The following MFSD12 variants were observed in gnomAD, a reference collection of about 807,000 sequenced individuals.
The protein encoded by MFSD12 is major facilitator superfamily domain-containing protein 12.
In MFSD12, 67 loss-of-function variants were observed where a neutral mutation model predicts 51.2. That is an observed-to-expected ratio of 1.31 (90% CI 1.08 to 1.60). The LOEUF (loss-of-function observed/expected upper bound fraction) is 1.60, where lower values mean the gene tolerates loss of function less well. Ranked by LOEUF, MFSD12 falls within the 40% of genes most tolerant of loss-of-function variation. The pLI is 0.00. For missense variants in MFSD12, 921 were observed against 673.0 expected (o/e 1.37, Z -4.08); for synonymous variants, 441 against 316.7 (o/e 1.39, Z -4.17).
chr19:3,544,709 G>C lies in MFSD12; in HGVS notation c.*1C>G. The C allele has an allele frequency of 1.2e-6, 2 of 1,600,038 alleles. No individual in the cohort carries two copies. The highest frequency in any genetic ancestry group is 1.7e-6 in the Non-Finnish European group (2 of 1,171,804). On this transcript the variant is annotated 3_prime_UTR_variant, in exon 10 of 10. Transcript: ENST00000355415. The stretch of plus-strand genomic sequence containing the variant: ...GCACAGGTGCAGGAGGCTGTCAGGA[G>C]TCAGGGCCGGGCATCACGGTCCCCT...
intron 1 of MFSD12, among the ~76,000 whole-genome samples, 199 bp downstream of exon 1, chr19:3,556,907 T>C (rs903894367): frequency 3.3e-5 from 5 of 151,802 alleles, no homozygotes; most frequent in East Asian, 3.9e-4. Flanking sequence ...ACTCAGCTCA[T>C]AGGGCAGACA....
Position 3,544,264 on chromosome 19 carries a change from C to A in MFSD12, c.*446G>T. ...GCCTGCCGGGCAGCCCTGCTGCCCA[C>A]CACGGTGGGGTCCAGGCCCAGCCCA... On this transcript the variant is annotated 3_prime_UTR_variant, in exon 10 of 10. Coordinates refer to ENST00000355415, the MANE Select transcript of MFSD12 (RefSeq NM_174983.5). 1 of 1,314,056 alleles carries A rather than the reference C, an allele frequency of 7.6e-7. No individual in the cohort carries two copies. The highest frequency in any genetic ancestry group is 9.7e-7 in the Non-Finnish European group (1 of 1,033,304). 81.4% of individuals were successfully genotyped at this position (1,314,056 alleles called of 1,614,324 possible). A position where few individuals can be genotyped will look rare whatever the true frequency, so the allele number is the denominator to read the frequency against.
chr19:3,549,532 G>A (rs140012720), intron 2 of MFSD12, among the ~76,000 whole-genome samples: 2,866 of 151,670 alleles, frequency 0.019, 80 homozygotes, highest in African/African-American at 0.065. Flanking sequence ...AGACCAGCCT[G>A]GCCAAGACGG....
At chr19:3,539,446 G>A (rs7258234), downstream of MFSD12, 47 of 580,636 alleles carry the variant, frequency 8.1e-5, no homozygotes, top group African/African-American at 8.2e-4. Context: ...CACTGTGGGG[G>A]CTACAGACCT....
At chr19:3,548,669 G>A (rs545155768) in intron 2 of MFSD12, among the ~76,000 whole-genome samples, 132 of 150,522 alleles carry the variant, frequency 8.8e-4, no homozygotes, top group African/African-American at 3.2e-3. Flanking sequence ...CCCACAGCCC[G>A]GCCAGGCACA....
At chr19:3,539,255 G>A, downstream of MFSD12, 1 of 1,547,828 alleles carries the variant, frequency 6.5e-7, no homozygotes, top group Non-Finnish European at 8.7e-7. Flanking sequence ...CAGCACCGCT[G>A]TACAGGTGAG....
At chr19:3,547,803 G>T in intron 4 of MFSD12, 45 bp downstream of exon 4, 1 of 1,459,474 alleles carries the variant, frequency 6.9e-7, no homozygotes. Context: ...GGCCCTGTGG[G>T]TGGGAGAGAA....
downstream of MFSD12, chr19:3,543,876 G>A (rs183635903): frequency 2.2e-5 from 34 of 1,550,304 alleles, 1 homozygote; most frequent in African/African-American, 3.3e-4. Context: ...GAGGGCATCA[G>A]ACTACGTGCC....
chr19:3,548,088 A>T, intron 3 of MFSD12, 35 bp downstream of exon 3: 2 of 1,602,390 alleles, frequency 1.2e-6, no homozygotes, highest in Non-Finnish European at 1.7e-6. Flanking sequence ...CCCTGGCTCG[A>T]GGACTTCAGG....
In MFSD12 at chr19:3,545,670, C is replaced by T. The variant is rs538837633; in HGVS notation, c.1289+404G>A. On this transcript the variant is annotated intron_variant, in intron 8 of 9. Transcript: ENST00000355415. ...ATGTTCACCTCTGTGACTATTAACA[C>T]GGCTGGCTCTGCCCCAGGCCCAGAC... Among the ~76,000 whole-genome samples, 115 of 152,356 alleles carry T rather than the reference C, an allele frequency of 7.5e-4. 1 individual carries two copies. Among genetic ancestry groups the T allele is most frequent in the Middle Eastern group, 3.4e-3 (1 of 294 alleles).
At chr19:3,541,642 T>TA (rs2030427324), downstream of MFSD12, 6 of 984,888 alleles carry the variant, frequency 6.1e-6, no homozygotes, top group Non-Finnish European at 7.2e-6. Flanking sequence ...TTCTATTTTT[T>TA]AAAAAAATGG....
In MFSD12 at chr19:3,544,675, A is replaced by C. The variant is rs368063455; in HGVS notation, c.*35T>G. ...GGGGGGCATCCTCGTGCGTCCCCAC[A>C]GTTCCCTTGCACAGGTGCAGGAGGC... On this transcript the variant is annotated 3_prime_UTR_variant, in exon 10 of 10. Transcript: ENST00000355415. The C allele has an allele frequency of 1.3e-5, 21 of 1,572,118 alleles. No homozygotes were observed. Among genetic ancestry groups the C allele is most frequent in the African/African-American group, 2.7e-5 (2 of 74,140 alleles).
At chr19:3,553,266 G>C (rs2031565846) in intron 1 of MFSD12, among the ~76,000 whole-genome samples, 1 of 152,034 alleles carries the variant, frequency 6.6e-6, no homozygotes, top group African/African-American at 2.4e-5. Context: ...GCCTGGCCTG[G>C]GGACCTCGGG....
chr19:3,546,308 TGGCACAGCCAGCACCCAGC>T lies in MFSD12; in HGVS notation c.1122_1140del (p.Leu375ProfsTer9), dbSNP rs2031042351. 4 of 1,609,640 alleles carry T rather than the reference TGGCACAGCCAGCACCCAGC, an allele frequency of 2.5e-6. No individual in the cohort carries two copies. The highest frequency in any genetic ancestry group is 3.4e-6 in the Non-Finnish European group (4 of 1,178,940). On this transcript the variant is annotated frameshift_variant, in exon 7 of 10. Transcript: ENST00000355415. LOFTEE classifies it high-confidence loss of function. ...ATGGCCAGCGAGGTGACGAGGATGG[TGGCACAGCCAGCACCCAGC>T]AGCACAGCCGCTGCGTACACGGCCA...
intron 6 of MFSD12, among the ~76,000 whole-genome samples, chr19:3,546,788 G>A (rs559008156): frequency 6.6e-5 from 10 of 152,298 alleles, no homozygotes; most frequent in African/African-American, 9.6e-5. Flanking sequence ...GTATAAACTC[G>A]AGACACAGAG....
chr19:3,547,748 G>A (rs1021330037), intron 4 of MFSD12, 100 bp downstream of exon 4: 67 of 1,376,440 alleles, frequency 4.9e-5, no homozygotes, highest in Non-Finnish European at 6.1e-5. Flanking sequence ...TGCACCAGGG[G>A]CCACGTGTGC....
downstream of MFSD12, chr19:3,539,956 T>G (rs2030221789): frequency 6.6e-6 from 1 of 152,124 alleles, no homozygotes; most frequent in Non-Finnish European, 1.5e-5. Context: ...GGAAAGAAAT[T>G]AAACCAAGAT....
In MFSD12 at chr19:3,551,096, G is replaced by C. The variant is rs897886054; in HGVS notation, c.397C>G (p.Pro133Ala). The change falls in exon 2 of 10, where the codon CCG (proline) becomes GCG (alanine). Residue 133 changes from proline to alanine, a missense_variant. By Grantham distance (27) the Pro-to-Ala change is conservative. Coordinates refer to ENST00000355415, the MANE Select transcript of MFSD12 (RefSeq NM_174983.5). The surrounding 1 kb of genome is among the most constrained non-coding windows in gnomAD (Gnocchi z 4.6). ...PEWAALLYYG[P>A]FIVIFQFGWA... is the part of the protein sequence containing the mutation. The stretch of plus-strand genomic sequence containing the variant: ...CCAAACTGGAAGATCACGATGAACG[G>C]GCCGTAGTAGAGGAGGGCAGCCCAC... 13 of 1,613,148 alleles carry C rather than the reference G, an allele frequency of 8.1e-6. No homozygotes were observed. Among genetic ancestry groups the C allele is most frequent in the Non-Finnish European group, 1.1e-5 (13 of 1,179,990 alleles).
At chr19:3,556,078 C>A (rs1029674802) in intron 1 of MFSD12, among the ~76,000 whole-genome samples, 1 of 152,190 alleles carries the variant, frequency 6.6e-6, no homozygotes, top group Admixed American at 6.5e-5. Context: ...AATGCAAGAA[C>A]AGGGCAGAGA....
Sources: gnomAD v4.1 joint callset for allele counts (sites outside exome capture counted in the v4.1 genomes callset) on GRCh38, gnomAD v4.1.1 for gene constraint, Gnocchi (gnomAD v3.1) non-coding constraint, MANE v1.5 for transcripts, NCBI Gene and HGNC (gene_info 2026-07-23, HGNC 2026-07-21) for gene names.